The following LRRC1 variants were observed in gnomAD, a reference collection of about 807,000 sequenced individuals.
LRRC1 encodes the protein leucine-rich repeat-containing protein 1.
In LRRC1, 28 loss-of-function variants were observed where a neutral mutation model predicts 69.9. That is an observed-to-expected ratio of 0.40 (90% CI 0.30 to 0.55). The LOEUF (loss-of-function observed/expected upper bound fraction) is 0.55. LRRC1 is among the 20% of genes least tolerant of loss of function. LRRC1 has a pLI of 0.47. For missense variants in LRRC1, 498 were observed against 609.0 expected (o/e 0.82, Z 1.92); for synonymous variants, 236 against 240.2 (o/e 0.98, Z 0.16).
intron 1 of LRRC1, among the ~76,000 whole-genome samples, chr6:53,821,057 T>TAC (rs1765101022): frequency 1.3e-5 from 2 of 152,262 alleles, no homozygotes; most frequent in Admixed American, 1.3e-4. Flanking sequence ...ATATGTCACT[T>TAC]ACACCACGCT....
At chr6:53,836,799 C>CTGCTTCT (rs1186510094) in intron 1 of LRRC1, among the ~76,000 whole-genome samples, 2 of 152,162 alleles carry the variant, frequency 1.3e-5, no homozygotes, top group African/African-American at 4.8e-5. Context: ...ATTACATATT[C>CTGCTTCT]TGCTTCCATT....
chr6:53,801,328 GCTTT>G (rs1291535734), intron 1 of LRRC1, among the ~76,000 whole-genome samples: 1 of 152,152 alleles, frequency 6.6e-6, no homozygotes, highest in African/African-American at 2.4e-5. Flanking sequence ...TTAATGTTGA[GCTTT>G]CTTTTATGTG....
chr6:53,880,709 C>T lies in LRRC1; in HGVS notation c.356+1638C>T, dbSNP rs1298541539. On this transcript the variant is annotated intron_variant, in intron 3 of 13. Coordinates refer to ENST00000370888, the MANE Select transcript of LRRC1 (RefSeq NM_018214.5). ...TGCTCTCTGTGTACTTTTTTCATAACACTTGAAATTTACCCTTAAGTTATT... is the reference window on the plus strand; with the variant it reads ...TGCTCTCTGTGTACTTTTTTCATAATACTTGAAATTTACCCTTAAGTTATT... Among the ~76,000 whole-genome samples, 51 of 152,190 alleles carry T rather than the reference C, an allele frequency of 3.4e-4. 1 individual carries two copies. The highest frequency in any genetic ancestry group is 3.3e-3 in the Admixed American group (51 of 15,272).
chr6:53,795,068 G>T lies in LRRC1; in HGVS notation c.-189G>T, dbSNP rs965151051. The T allele has an allele frequency of 5.1e-5, 27 of 528,544 alleles. No individual in the cohort carries two copies. Among genetic ancestry groups the T allele is most frequent in the Non-Finnish European group, 8.2e-5 (25 of 305,346 alleles). The allele number at this position is 528,544 out of a possible 1,614,324, so 32.7% of individuals were successfully genotyped here. On this transcript the variant is annotated 5_prime_UTR_variant, in exon 1 of 14. Transcript: ENST00000370888. ...TGGCGGGCGGGGGTACAGGGACGGG[G>T]CAGGGGCTCCCGCTCCAGGTTCCTT...
At chr6:53,888,214 A>T (rs1767553151) in intron 4 of LRRC1, among the ~76,000 whole-genome samples, 2 of 152,248 alleles carry the variant, frequency 1.3e-5, no homozygotes. Context: ...TTCAGATGAC[A>T]TGATCTTATA....
intron 11 of LRRC1, among the ~76,000 whole-genome samples, chr6:53,914,702 AC>A (rs1768512719): frequency 1.3e-5 from 2 of 152,152 alleles, no homozygotes; most frequent in Non-Finnish European, 2.9e-5. Flanking sequence ...GTGAACAGAA[AC>A]AGGCTATTCT....
At chr6:53,900,721 A>G (rs908434686) in intron 8 of LRRC1, among the ~76,000 whole-genome samples, 1 of 152,202 alleles carries the variant, frequency 6.6e-6, no homozygotes, top group African/African-American at 2.4e-5. Flanking sequence ...AAATCAATCT[A>G]GACATTTTCT....
intron 1 of LRRC1, among the ~76,000 whole-genome samples, chr6:53,836,132 G>A (rs1287765419): frequency 6.6e-6 from 1 of 152,208 alleles, no homozygotes; most frequent in Non-Finnish European, 1.5e-5. Context: ...GGAGCACAGA[G>A]GAGCTCTAGC....
Position 53,842,115 on chromosome 6 carries a change from T to C in LRRC1, c.165T>C (p.Phe55=). Residue 55 remains phenylalanine (F), a synonymous_variant, in exon 2 of 14, where the codon TTT becomes TTC. Coordinates refer to ENST00000370888, the MANE Select transcript of LRRC1 (RefSeq NM_018214.5). ...TAAACTCTTTTGTCTTTCAGCAATT[T>C]TTCCAGCTAGTCAAATTACGAAAGC... ...ANQLRELPEQ[F]FQLVKLRKLG... is the part of the protein sequence containing the mutation. The C allele has an allele frequency of 1.2e-6, 2 of 1,609,306 alleles. No individual in the cohort carries two copies. The highest frequency in any genetic ancestry group is 1.7e-6 in the Non-Finnish European group (2 of 1,176,196).
chr6:53,798,503 C>T (rs376491413), intron 1 of LRRC1, among the ~76,000 whole-genome samples: 2 of 152,196 alleles, frequency 1.3e-5, no homozygotes, highest in East Asian at 1.9e-4. Context: ...CTCAGCCTCT[C>T]GAGTAGCTGG....
At chr6:53,911,874 A>G (rs1581917820) in intron 10 of LRRC1, among the ~76,000 whole-genome samples, 1 of 152,168 alleles carries the variant, frequency 6.6e-6, no homozygotes, top group Non-Finnish European at 1.5e-5. Flanking sequence ...CCTAGGTAGA[A>G]TTGTTGATTC....
At chr6:53,809,058 G>GA (rs1404428996) in intron 1 of LRRC1, among the ~76,000 whole-genome samples, 1 of 152,166 alleles carries the variant, frequency 6.6e-6, no homozygotes, top group African/African-American at 2.4e-5. Flanking sequence ...ATCCGTCTGG[G>GA]AAAACAGTAG....
chr6:53,807,430 AG>A (rs1404794786), intron 1 of LRRC1, among the ~76,000 whole-genome samples: 13 of 152,204 alleles, frequency 8.5e-5, no homozygotes, highest in African/African-American at 3.1e-4. Flanking sequence ...AATTTCAGGT[AG>A]TTACAAAAGC....
At chr6:53,810,325 A>T (rs1764755037) in intron 1 of LRRC1, among the ~76,000 whole-genome samples, 1 of 152,248 alleles carries the variant, frequency 6.6e-6, no homozygotes, top group African/African-American at 2.4e-5. Flanking sequence ...AAGTATTCTT[A>T]AAAAAGCTTT....
intron 2 of LRRC1, among the ~76,000 whole-genome samples, chr6:53,862,678 G>C (rs1267972093): frequency 1.3e-5 from 2 of 152,136 alleles, no homozygotes; most frequent in African/African-American, 4.8e-5. Context: ...GTACCATCAG[G>C]AGACCCATGC....
At chr6:53,907,735 ATTT>A (rs113795810) in intron 10 of LRRC1, among the ~76,000 whole-genome samples, 7 of 119,758 alleles carry the variant, frequency 5.8e-5, no homozygotes, top group Non-Finnish European at 1.1e-4. Context: ...TTCTAAATTC[ATTT>A]TTTTTTTTTT....
At chr6:53,870,998 A>G (rs761554876) in intron 2 of LRRC1, among the ~76,000 whole-genome samples, 1 of 152,218 alleles carries the variant, frequency 6.6e-6, no homozygotes, top group Non-Finnish European at 1.5e-5. Flanking sequence ...TGAATAGTAC[A>G]TTGTGTGAAA....
Position 53,879,083 on chromosome 6 carries a change from G to A in LRRC1, c.356+12G>A. The A allele has an allele frequency of 6.3e-7, 1 of 1,599,956 alleles. No individual in the cohort carries two copies. The highest frequency in any genetic ancestry group is 8.6e-7 in the Non-Finnish European group (1 of 1,168,308). On this transcript the variant is annotated intron_variant, in intron 3 of 13. Coordinates refer to ENST00000370888, the MANE Select transcript of LRRC1 (RefSeq NM_018214.5). The stretch of plus-strand genomic sequence containing the variant: ...AACCCACTGACTAGGTAAGCTTTCT[G>A]CTTACTTTTCTGTCTATACTAGTAA...
chr6:53,907,683 A>C (rs928858265), intron 10 of LRRC1, among the ~76,000 whole-genome samples: 1 of 149,840 alleles, frequency 6.7e-6, no homozygotes, highest in Non-Finnish European at 1.5e-5. Flanking sequence ...ACATTGGCTG[A>C]CTGCTTTGTG....
Sources: gnomAD v4.1 joint callset for allele counts (sites outside exome capture counted in the v4.1 genomes callset) on GRCh38, gnomAD v4.1.1 for gene constraint, MANE v1.5 for transcripts, NCBI Gene and HGNC (gene_info 2026-07-23, HGNC 2026-07-21) for gene names.